The following INPP5A variants were observed in gnomAD, a reference collection of about 807,000 sequenced individuals.
INPP5A encodes the protein inositol polyphosphate-5-phosphatase A, also known as 43 kDa inositol polyphosphate 5-phophatase.
A neutral mutation model predicts 65.2 loss-of-function variants in INPP5A; 14 were observed. That is an observed-to-expected ratio of 0.21 (90% confidence interval 0.14 to 0.34). The LOEUF (loss-of-function observed/expected upper bound fraction) is 0.34, where lower values mean the gene tolerates loss of function less well. INPP5A is among the 10% of genes least tolerant of loss of function. The probability of loss-of-function intolerance (pLI) is 1.00; values close to 1 mark genes in which losing one functional copy is unlikely to be tolerated. For missense variants in INPP5A, 431 were observed against 545.6 expected, an observed-to-expected ratio of 0.79 and a Z score of 2.09; for synonymous variants, 207 against 208.3, an observed-to-expected ratio of 0.99 and a Z score of 0.05.
intron 3 of INPP5A, among the ~76,000 whole-genome samples, chr10:132,647,514 T>C (rs1023864956): frequency 2.6e-5 from 4 of 152,184 alleles, no homozygotes; most frequent in African/African-American, 9.7e-5. Flanking sequence ...GGGTCAAGAA[T>C]AGTTAAAAGA....
intron 11 of INPP5A, among the ~76,000 whole-genome samples, 181 bp downstream of exon 11, chr10:132,750,026 GGC>G (rs1214717644): frequency 1.3e-5 from 2 of 152,220 alleles, no homozygotes; most frequent in Middle Eastern, 3.2e-3. Context: ...CGGCACCCCG[GGC>G]CAGGTTGGGT....
At chr10:132,565,949 G>A (rs570667948) in intron 1 of INPP5A, among the ~76,000 whole-genome samples, 2 of 152,112 alleles carry the variant, frequency 1.3e-5, no homozygotes, top group Admixed American at 6.6e-5. Flanking sequence ...CAGGAGTGAA[G>A]ACCACTTTGC....
chr10:132,623,867 A>G (rs534119022), intron 2 of INPP5A, among the ~76,000 whole-genome samples: 3 of 152,266 alleles, frequency 2.0e-5, no homozygotes, highest in Non-Finnish European at 4.4e-5. Context: ...ACTGAAGAAG[A>G]GAATACAAAT....
chr10:132,658,856 G>A (rs1014281114), intron 4 of INPP5A, among the ~76,000 whole-genome samples: 3 of 152,098 alleles, frequency 2.0e-5, no homozygotes, highest in Admixed American at 6.5e-5. Context: ...CAAGGCCGCC[G>A]GCTGCTCCCG....
chr10:132,746,197 G>A (rs533279110), intron 9 of INPP5A, among the ~76,000 whole-genome samples: 17 of 152,334 alleles, frequency 1.1e-4, no homozygotes, highest in Admixed American at 3.9e-4. Context: ...CTGTGCGTGC[G>A]GTGCCTGGAG....
chr10:132,653,481 G>A (rs1043569275), intron 4 of INPP5A, among the ~76,000 whole-genome samples: 2 of 152,258 alleles, frequency 1.3e-5, no homozygotes, highest in African/African-American at 4.8e-5. Context: ...CGAGCTCTGG[G>A]GTTGTTCTCC....
At chr10:132,767,934 C>G (rs1846880241) in intron 12 of INPP5A, among the ~76,000 whole-genome samples, 1 of 149,080 alleles carries the variant, frequency 6.7e-6, no homozygotes, top group African/African-American at 2.5e-5. Flanking sequence ...CCAGGGTGCC[C>G]ACGCGCCCAG....
At chr10:132,540,743 A>G (rs911549092) in intron 1 of INPP5A, among the ~76,000 whole-genome samples, 12 of 152,262 alleles carry the variant, frequency 7.9e-5, no homozygotes, top group African/African-American at 2.4e-4. Flanking sequence ...CGTGCTGACG[A>G]ACGCACCCTG....
rs1590918120 is a variant in INPP5A, at chr10:132,678,299, T to C, written c.307-12093T>C. Among the ~76,000 whole-genome samples, 1 of 152,356 alleles carries C rather than the reference T, an allele frequency of 6.6e-6. No individual in the cohort carries two copies. Among genetic ancestry groups the C allele is most frequent in the South Asian group, 2.1e-4 (1 of 4,828 alleles). Reference sequence around the variant, plus strand: ...CATGAGTTCATTATACAGGAAAAGATCAATGAAGCGCTACATTGATTTAAA... The same window carrying C: ...CATGAGTTCATTATACAGGAAAAGACCAATGAAGCGCTACATTGATTTAAA... On this transcript the variant is annotated intron_variant, in intron 4 of 15. Coordinates refer to ENST00000368594, the MANE Select transcript of INPP5A (RefSeq NM_005539.5). This position sits in a 1 kb window ranked among gnomAD's most constrained non-coding sequence, Gnocchi z 4.1.
chr10:132,682,878 G>T (rs755773020), intron 4 of INPP5A, among the ~76,000 whole-genome samples: 2 of 148,998 alleles, frequency 1.3e-5, no homozygotes, highest in Non-Finnish European at 3.0e-5. Context: ...ACATATGCAC[G>T]CACGTTTAAT....
chr10:132,590,515 C>T (rs561458631), intron 1 of INPP5A, among the ~76,000 whole-genome samples: 5 of 152,244 alleles, frequency 3.3e-5, no homozygotes, highest in Admixed American at 6.5e-5. Context: ...GTGGACATTG[C>T]GACACGTGTA....
chr10:132,596,291 C>T (rs974783826), intron 1 of INPP5A, among the ~76,000 whole-genome samples: 5 of 152,264 alleles, frequency 3.3e-5, no homozygotes, highest in Admixed American at 6.5e-5. Flanking sequence ...ATGAATGGCC[C>T]TCAATTAAAG....
At chr10:132,576,262 G>T (rs1394597339) in intron 1 of INPP5A, among the ~76,000 whole-genome samples, 2 of 152,226 alleles carry the variant, frequency 1.3e-5, no homozygotes, top group African/African-American at 4.8e-5. Context: ...CTGCCCCCAG[G>T]ACAGCACTTC....
intron 4 of INPP5A, among the ~76,000 whole-genome samples, chr10:132,664,004 G>A (rs1455918698): frequency 6.6e-6 from 1 of 152,236 alleles, no homozygotes; most frequent in African/African-American, 2.4e-5. Context: ...GAAAGGTATT[G>A]GTGAACGAAC....
rs192022563 is a variant in INPP5A, at chr10:132,673,377, C to T, written c.307-17015C>T. Among the ~76,000 whole-genome samples the T allele has an allele frequency of 2.9e-3, 440 of 152,276 alleles. 1 individual carries two copies. The highest frequency in any genetic ancestry group is 0.01 in the African/African-American group (424 of 41,548). On this transcript the variant is annotated intron_variant, in intron 4 of 15. Transcript: ENST00000368594. ...CCACTTCCACTTCCACCCTTGATTC[C>T]CGGACCCGTGAATCCTGGCTATGGG...
At chr10:132,641,335 T>C (rs2072425192) in intron 2 of INPP5A, among the ~76,000 whole-genome samples, 1 of 152,252 alleles carries the variant, frequency 6.6e-6, no homozygotes, top group Admixed American at 6.5e-5. Context: ...TACTCATGGA[T>C]ATAAACTTTC....
chr10:132,770,944 G>A (rs1193292314), intron 12 of INPP5A, among the ~76,000 whole-genome samples: 2 of 152,188 alleles, frequency 1.3e-5, no homozygotes, highest in Non-Finnish European at 2.9e-5. Context: ...GCCTCTGGGA[G>A]GAATACGTTT....
At chr10:132,680,586 G>A (rs897173202) in intron 4 of INPP5A, among the ~76,000 whole-genome samples, 18 of 152,228 alleles carry the variant, frequency 1.2e-4, no homozygotes, top group African/African-American at 4.3e-4. Flanking sequence ...TCAGCCCACC[G>A]CTGCACTGTG....
In INPP5A at chr10:132,726,900, G is replaced by T. The variant is rs1048221979; in HGVS notation, c.727G>T (p.Val243Leu). Reference protein sequence around the residue: ...FNFRLDSKSVVETLCTKATMQ... With the variant: ...FNFRLDSKSVLETLCTKATMQ... ...CTTCCGGCTGGATTCCAAGTCCGTCGTGGAGGTAGGCGCTGGCTTCCCTCC... is the reference window on the plus strand; with the variant it reads ...CTTCCGGCTGGATTCCAAGTCCGTCTTGGAGGTAGGCGCTGGCTTCCCTCC... Residue 243 changes from valine (V) to leucine (L), a missense_variant, in exon 9 of 16, where the codon GTG becomes TTG. Transcript: ENST00000368594. 1 of 1,606,890 alleles carries T rather than the reference G, an allele frequency of 6.2e-7. No homozygotes were observed. The highest frequency in any genetic ancestry group is 8.5e-7 in the Non-Finnish European group (1 of 1,174,554).
Sources: allele counts gnomAD v4.1 joint callset (sites outside exome capture counted in the v4.1 genomes callset), GRCh38; gene constraint gnomAD v4.1.1; non-coding constraint Gnocchi (gnomAD v3.1); transcripts MANE v1.5; gene names NCBI Gene and HGNC (gene_info 2026-07-23, HGNC 2026-07-21).